Variants in BBX observed in about 807,000 individuals in gnomAD.
The protein encoded by BBX is BBX high mobility group box domain containing.
In BBX, 30 loss-of-function variants were observed where a neutral mutation model predicts 100.2. The ratio of observed to expected loss-of-function variants is 0.30; its 90% CI spans 0.22 to 0.41. The LOEUF is 0.41. Among genes scored for constraint, BBX ranks in the 10% least tolerant of loss-of-function variants. BBX has a pLI of 1.00. For synonymous variants in BBX, 376 were observed against 388.1 expected (o/e 0.97, Z 0.37); for missense variants, 1,023 against 1,129.8 (o/e 0.91, Z 1.35).
intron 2 of BBX, among the ~76,000 whole-genome samples, chr3:107,562,808 A>G (rs544956460): frequency 6.6e-5 from 10 of 152,212 alleles, no homozygotes; most frequent in Non-Finnish European, 2.9e-5. Flanking sequence ...CTGAAAAGAA[A>G]TGAATTAACG....
intron 3 of BBX, among the ~76,000 whole-genome samples, chr3:107,692,297 A>G (rs2060231699): frequency 6.6e-6 from 1 of 151,862 alleles, no homozygotes. Context: ...TGCACCTACT[A>G]ACTCGTCATC....
At chr3:107,586,000 A>G (rs1358063592) in intron 2 of BBX, among the ~76,000 whole-genome samples, 1 of 152,160 alleles carries the variant, frequency 6.6e-6, no homozygotes, top group Non-Finnish European at 1.5e-5. Context: ...TACAAAATTG[A>G]GTTTTAAATA....
Position 107,573,560 on chromosome 3 carries a change from A to AAAAC in BBX, c.-84+47184_-84+47187dup, listed in dbSNP as rs375986548. Among the ~76,000 whole-genome samples the AAAAC allele has an allele frequency of 7.6e-3, 1,152 of 152,220 alleles. 17 individuals are homozygous for AAAAC. The highest frequency in any genetic ancestry group is 0.046 in the East Asian group (238 of 5,180). Reference sequence around the variant, plus strand: ...GGGTGGCAGAGTGAGACTCCGTCTCAAAACAAACAAACAAACAAACAAACA... The same window carrying AAAAC: ...GGGTGGCAGAGTGAGACTCCGTCTCAAAACAAACAAACAAACAAACAAACAAACA... On this transcript the variant is annotated intron_variant, in intron 2 of 17. Coordinates refer to ENST00000325805, the MANE Select transcript of BBX (RefSeq NM_001142568.3).
At chr3:107,545,950 T>C (rs1395575067) in intron 2 of BBX, among the ~76,000 whole-genome samples, 4 of 152,226 alleles carry the variant, frequency 2.6e-5, no homozygotes, top group Non-Finnish European at 5.9e-5. Flanking sequence ...GAAAGGGCAC[T>C]AAAATGTTGC....
At chr3:107,532,110 C>A (rs1433938257) in intron 2 of BBX, among the ~76,000 whole-genome samples, 7 of 152,016 alleles carry the variant, frequency 4.6e-5, no homozygotes, top group African/African-American at 1.7e-4. Flanking sequence ...GGGAGGATCA[C>A]TTGAGCCCGC....
At chr3:107,718,932 A>G (rs533250823) in intron 5 of BBX, among the ~76,000 whole-genome samples, 1 of 152,076 alleles carries the variant, frequency 6.6e-6, no homozygotes, top group Non-Finnish European at 1.5e-5. Context: ...AAATTATTAC[A>G]CAATTGATCT....
At chr3:107,754,761 T>C (rs1283975517) in intron 9 of BBX, among the ~76,000 whole-genome samples, 1 of 152,208 alleles carries the variant, frequency 6.6e-6, no homozygotes, top group Non-Finnish European at 1.5e-5. Context: ...CTAAAAATCT[T>C]AGACTATAGC....
At chr3:107,729,950 G>A (rs748027594) in intron 6 of BBX, among the ~76,000 whole-genome samples, 1 of 152,056 alleles carries the variant, frequency 6.6e-6, no homozygotes, top group Non-Finnish European at 1.5e-5. Flanking sequence ...AGTCCTGTAT[G>A]GTGGCATGTG....
rs189441324 is a variant in BBX at position 107,552,308 on chromosome 3, T to G, written c.-84+25910T>G. Among the ~76,000 whole-genome samples the G allele has an allele frequency of 3.9e-5, 5 of 128,890 alleles. No homozygotes were observed. In the Admixed American group the frequency reaches 4.6e-4, roughly 12 times the overall value. The allele number at this position is 128,890 out of a possible 152,430, so 84.6% of individuals were successfully genotyped here. A position where few individuals can be genotyped will look rare whatever the true frequency, so the allele number is the denominator to read the frequency against. ...GCAGTGAGCCATGATCATGCCACAC[T>G]GCACTCCAGCCTGGGCAACAGAAGA... On this transcript the variant is annotated intron_variant, in intron 2 of 17. Transcript: ENST00000325805.
At chr3:107,524,787 G>T (rs1191099183) in intron 1 of BBX, among the ~76,000 whole-genome samples, 1 of 140,286 alleles carries the variant, frequency 7.1e-6, no homozygotes, top group African/African-American at 2.7e-5. Context: ...AAAGTTTCGC[G>T]AGGTGGGGTG....
intron 2 of BBX, among the ~76,000 whole-genome samples, chr3:107,546,519 A>G (rs2049252881): frequency 6.6e-6 from 1 of 152,174 alleles, no homozygotes. Flanking sequence ...GGGCTACATC[A>G]TCTTATCTTA....
At chr3:107,737,515 C>T (rs1270036198) in intron 7 of BBX, among the ~76,000 whole-genome samples, 1 of 152,106 alleles carries the variant, frequency 6.6e-6, no homozygotes, top group Non-Finnish European at 1.5e-5. Context: ...GATGGCACAC[C>T]TCCATAAAAG....
chr3:107,768,418 A>G (rs1317157666), intron 10 of BBX, among the ~76,000 whole-genome samples: 5 of 152,224 alleles, frequency 3.3e-5, no homozygotes, highest in Non-Finnish European at 7.3e-5. Context: ...AAGTTTATTA[A>G]TGTTCAAATC....
intron 17 of BBX, among the ~76,000 whole-genome samples, chr3:107,803,604 A>C (rs1176854900): frequency 6.6e-6 from 1 of 152,246 alleles, no homozygotes; most frequent in Non-Finnish European, 1.5e-5. Flanking sequence ...TTAAGAGACC[A>C]GTTTATTTAC....
intron 12 of BBX, among the ~76,000 whole-genome samples, 192 bp from the exon 13 acceptor site, chr3:107,778,179 G>A (rs537125090): frequency 3.5e-4 from 54 of 152,162 alleles, no homozygotes; most frequent in South Asian, 2.1e-3. Context: ...CCTGTCATAC[G>A]AGTTTACTAA....
Position 107,801,180 on chromosome 3 carries a change from G to C in BBX, c.2637G>C (p.Glu879Asp). Residue 879 changes from glutamate to aspartate, a missense_variant, in exon 17 of 18, where the codon GAG (glutamate) becomes GAC (aspartate). Around this residue, in one of 9 missense-constraint regions of BBX, gnomAD observed 104 missense variants for 132.2 expected, o/e 0.79. Transcript: ENST00000325805. ...ATGACAAATGCTCACACAACACCGA[G>C]GTCGGGGAGACGCGGAGCAGTACTC... ...DCNDKCSHNTEVGETRSSTPE... is the reference protein window; with the variant it reads ...DCNDKCSHNTDVGETRSSTPE... 1 of 1,614,182 alleles carries C rather than the reference G, an allele frequency of 6.2e-7. No individual in the cohort carries two copies. The highest frequency in any genetic ancestry group is 8.5e-7 in the Non-Finnish European group (1 of 1,180,026).
chr3:107,609,111 A>G (rs1466981652), intron 2 of BBX, among the ~76,000 whole-genome samples: 1 of 152,074 alleles, frequency 6.6e-6, no homozygotes, highest in Non-Finnish European at 1.5e-5. Context: ...TGGTGAAAGT[A>G]GGTGTCCTTG....
chr3:107,724,278 T>C (rs1316284164), intron 5 of BBX, among the ~76,000 whole-genome samples: 1 of 152,200 alleles, frequency 6.6e-6, no homozygotes, highest in Non-Finnish European at 1.5e-5. Context: ...TGTAAATTTG[T>C]TTGAGTTCAT....
At chr3:107,583,324 A>G (rs1432167834) in intron 2 of BBX, among the ~76,000 whole-genome samples, 1 of 152,028 alleles carries the variant, frequency 6.6e-6, no homozygotes, top group Admixed American at 6.6e-5. Flanking sequence ...TCAACTGCTT[A>G]TATTATAAGT....
Sources: gnomAD v4.1 joint callset for allele counts (sites outside exome capture counted in the v4.1 genomes callset) on GRCh38, gnomAD v4.1.1 for gene constraint, gnomAD v4.1.1 regional missense constraint, MANE v1.5 for transcripts, NCBI Gene and HGNC (gene_info 2026-07-23, HGNC 2026-07-21) for gene names.